LIN54: variants seen among roughly 807,000 people sequenced by gnomAD.
LIN54 encodes lin-54 DREAM MuvB core complex component.
A neutral mutation model predicts 78.7 loss-of-function variants in LIN54; 9 were observed. The observed-to-expected ratio is 0.11, with a 90% CI of 0.07 to 0.20. LIN54 has a LOEUF of 0.20. Ranked by LOEUF, LIN54 falls within the 10% of genes least tolerant of loss-of-function variation. LIN54 has a pLI of 1.00. For missense variants in LIN54, 573 were observed against 889.9 expected, an observed-to-expected ratio of 0.64 and a Z score of 4.53; for synonymous variants, 269 against 318.4, an observed-to-expected ratio of 0.84 and a Z score of 1.65.
intron 4 of LIN54, among the ~76,000 whole-genome samples, chr4:82,947,235 A>ATATATATATATATATATTTT: frequency 4.5e-5 from 2 of 44,290 alleles, no homozygotes; most frequent in African/African-American, 2.0e-4. Context: ...ATATATATAT[A>ATATATATATATATATATTTT]TTTTTTTTTT....
chr4:82,981,504 T>C (rs1726636527), intron 2 of LIN54, among the ~76,000 whole-genome samples: 1 of 152,112 alleles, frequency 6.6e-6, no homozygotes, highest in Non-Finnish European at 1.5e-5. Context: ...GAAAATCATA[T>C]ACTCTTTGTA....
At chr4:82,999,797 G>GAAAAA (rs1560792522) in intron 1 of LIN54, among the ~76,000 whole-genome samples, 6 of 137,682 alleles carry the variant, frequency 4.4e-5, no homozygotes, top group Admixed American at 7.8e-5. Flanking sequence ...AAAAAAAAAG[G>GAAAAA]CAAGAAAACA....
intron 4 of LIN54, among the ~76,000 whole-genome samples, chr4:82,967,994 T>C (rs1004773598): frequency 6.6e-6 from 1 of 152,156 alleles, no homozygotes; most frequent in African/African-American, 2.4e-5. Flanking sequence ...GACTGTACAT[T>C]TCACACCTGT....
chr4:82,966,015 T>C (rs1725174028), intron 4 of LIN54, among the ~76,000 whole-genome samples: 1 of 152,238 alleles, frequency 6.6e-6, no homozygotes, highest in African/African-American at 2.4e-5. Flanking sequence ...CTTCACATTT[T>C]GTTTAGTTTC....
At chr4:82,946,225 A>G in intron 5 of LIN54, 33 bp downstream of exon 5, 7 of 1,509,402 alleles carry the variant, frequency 4.6e-6, no homozygotes, top group Non-Finnish European at 6.5e-6. Flanking sequence ...TGTTAAAAGC[A>G]TGAATTACTG....
chr4:82,995,069 C>A (rs545580608), intron 1 of LIN54, among the ~76,000 whole-genome samples: 1 of 152,084 alleles, frequency 6.6e-6, no homozygotes, highest in African/African-American at 2.4e-5. Context: ...GGCAAGAGGA[C>A]TGCTTAAGTC....
chr4:82,935,700 T>C (rs929733132), intron 11 of LIN54, among the ~76,000 whole-genome samples: 15 of 152,170 alleles, frequency 9.9e-5, no homozygotes, highest in African/African-American at 3.1e-4. Flanking sequence ...AAAATCAATA[T>C]ATTGGTGTTC....
intron 1 of LIN54, among the ~76,000 whole-genome samples, chr4:82,985,626 C>A (rs541360126): frequency 6.6e-6 from 1 of 152,296 alleles, no homozygotes; most frequent in African/African-American, 2.4e-5. Context: ...CTGCAACCTC[C>A]GCTTCCTGGG....
intron 1 of LIN54, among the ~76,000 whole-genome samples, chr4:83,009,517 A>C (rs935022251): frequency 3.3e-5 from 5 of 152,212 alleles, no homozygotes; most frequent in African/African-American, 1.2e-4. Context: ...TTTCTGTAAC[A>C]CTAGTGTTGT....
chr4:82,936,658 A>G (rs1722415213), intron 9 of LIN54, among the ~76,000 whole-genome samples: 1 of 135,892 alleles, frequency 7.4e-6, no homozygotes, highest in South Asian at 2.6e-4. Context: ...TATAAATTAT[A>G]TAAATTATAT....
chr4:82,984,265 C>T lies in LIN54; in HGVS notation c.580G>A (p.Val194Met), dbSNP rs1169964325. The change falls in exon 2 of 13, where the codon GTG (valine) becomes ATG (methionine). Residue 194 changes from valine (V) to methionine (M), a missense_variant. This residue lies in a region of LIN54 where 183 missense variants were observed against 228.4 expected (regional missense o/e 0.80). Coordinates refer to ENST00000340417, the MANE Select transcript of LIN54 (RefSeq NM_194282.4). Reference sequence around the variant, plus strand: ...GCTGAGACACCAATGACAGGTTTCACCTCTGGCCTCCCTCCAATGGTAACT... The same window carrying T: ...GCTGAGACACCAATGACAGGTTTCATCTCTGGCCTCCCTCCAATGGTAACT... The part of the protein sequence containing the change: ...KVVTIGGRPE[V>M]KPVIGVSALT... 1.9e-6 allele frequency: 3 copies of T among 1,614,132 alleles called. No individual in the cohort carries two copies. Among genetic ancestry groups the T allele is most frequent in the Non-Finnish European group, 2.5e-6 (3 of 1,180,030 alleles).
intron 4 of LIN54, among the ~76,000 whole-genome samples, chr4:82,951,296 A>G (rs1338576027): frequency 6.6e-6 from 1 of 152,218 alleles, no homozygotes; most frequent in Non-Finnish European, 1.5e-5. Context: ...CAAAAGAGGT[A>G]TAAGCCATTC....
chr4:82,978,513 T>C (rs1396952385), intron 3 of LIN54, among the ~76,000 whole-genome samples: 3 of 152,190 alleles, frequency 2.0e-5, no homozygotes, highest in African/African-American at 7.2e-5. Flanking sequence ...ACTTCCACAC[T>C]GGCAAAACGG....
At chr4:82,940,008 T>C (rs1560724244) in intron 5 of LIN54, 46 bp from the exon 6 acceptor site, 5 of 1,372,198 alleles carry the variant, frequency 3.6e-6, no homozygotes, top group South Asian at 2.6e-5. Flanking sequence ...TTACAGAAAA[T>C]AGTATTTAAA....
At chr4:83,008,109 G>A (rs997446690) in intron 1 of LIN54, among the ~76,000 whole-genome samples, 4 of 151,978 alleles carry the variant, frequency 2.6e-5, no homozygotes, top group Non-Finnish European at 5.9e-5. Context: ...CTACATAAAA[G>A]CTACATGTAC....
At chr4:82,993,812 C>T (rs1198862696) in intron 1 of LIN54, among the ~76,000 whole-genome samples, 2 of 151,966 alleles carry the variant, frequency 1.3e-5, no homozygotes, top group Non-Finnish European at 2.9e-5. Flanking sequence ...GATGGGGTTG[C>T]ACCATGTTGG....
upstream of LIN54, chr4:83,012,144 C>A: frequency 2.0e-6 from 1 of 502,356 alleles, no homozygotes; most frequent in Admixed American, 6.4e-5. Flanking sequence ...AAAGTGTTCT[C>A]AATTACTTCA....
intron 11 of LIN54, 145 bp from the exon 12 acceptor site, chr4:82,931,290 G>GT: frequency 1.5e-6 from 1 of 663,484 alleles, no homozygotes; most frequent in Non-Finnish European, 2.6e-6. Context: ...CTGACAAACA[G>GT]TAACTACACA....
chr4:82,972,948 T>TAAA (rs35025108), intron 3 of LIN54, among the ~76,000 whole-genome samples: 3 of 59,400 alleles, frequency 5.1e-5, no homozygotes, highest in Non-Finnish European at 7.3e-5. Flanking sequence ...AGAATCCCTC[T>TAAA]AAAAAAAAAA....
Sources: gnomAD v4.1 joint callset for allele counts (sites outside exome capture counted in the v4.1 genomes callset) on GRCh38, gnomAD v4.1.1 for gene constraint, gnomAD v4.1.1 regional missense constraint, MANE v1.5 for transcripts, NCBI Gene and HGNC (gene_info 2026-07-23, HGNC 2026-07-21) for gene names.